Variants in KHDRBS2 observed in about 807,000 individuals in gnomAD.
KHDRBS2 encodes KH RNA binding domain containing, signal transduction associated 2, also known as KH domain-containing, RNA-binding, signal transduction-associated protein 2.
In KHDRBS2, 26 loss-of-function variants were observed where a neutral mutation model predicts 44.3. That is an observed-to-expected ratio of 0.59 (90% CI 0.43 to 0.81). The LOEUF is 0.81. Among genes scored for constraint, KHDRBS2 ranks in the 40% least tolerant of loss-of-function variants. The pLI, the probability that KHDRBS2 is intolerant of heterozygous loss-of-function variation, is 0.00. For synonymous variants in KHDRBS2, 194 were observed against 151.1 expected (o/e 1.28, Z -2.08); for missense variants, 476 against 433.1 (o/e 1.10, Z -0.88).
intron 6 of KHDRBS2, among the ~76,000 whole-genome samples, chr6:61,845,008 A>C (rs1404793292): frequency 4.6e-5 from 7 of 152,190 alleles, no homozygotes; most frequent in African/African-American, 1.7e-4. Context: ...CATAAATATT[A>C]CATGCTTAGA....
intron 2 of KHDRBS2, among the ~76,000 whole-genome samples, chr6:62,093,487 G>A (rs1799876859): frequency 6.6e-6 from 1 of 151,792 alleles, no homozygotes; most frequent in African/African-American, 2.4e-5. Flanking sequence ...TCTTTGTAAT[G>A]AGAACATTAA....
At chr6:61,690,594 CA>C (rs1241933226) in intron 8 of KHDRBS2, among the ~76,000 whole-genome samples, 1 of 151,988 alleles carries the variant, frequency 6.6e-6, no homozygotes, top group Non-Finnish European at 1.5e-5. Context: ...GTTCAACACA[CA>C]ATTGTTCAAA....
chr6:61,744,686 T>C (rs1274149415), intron 6 of KHDRBS2, among the ~76,000 whole-genome samples: 1 of 152,152 alleles, frequency 6.6e-6, no homozygotes, highest in African/African-American at 2.4e-5. Context: ...TGCCTTTACT[T>C]TTGTCTCTTC....
intron 2 of KHDRBS2, 35 bp downstream of exon 2, chr6:62,177,150 T>G: frequency 8.1e-7 from 1 of 1,227,014 alleles, no homozygotes; most frequent in Non-Finnish European, 1.1e-6. Flanking sequence ...CATTTCTAAA[T>G]CAATTATATG....
chr6:62,256,141 A>G (rs1166494716), intron 1 of KHDRBS2, among the ~76,000 whole-genome samples: 1 of 77,966 alleles, frequency 1.3e-5, no homozygotes, highest in Admixed American at 1.4e-4. Flanking sequence ...ACTCCGAAAG[A>G]AAAAAAAACC....
At chr6:62,045,294 G>C (rs1787434603) in intron 3 of KHDRBS2, among the ~76,000 whole-genome samples, 1 of 151,958 alleles carries the variant, frequency 6.6e-6, no homozygotes, top group African/African-American at 2.4e-5. Context: ...TGTCATAATA[G>C]TTTTAGATAT....
At chr6:61,561,186 ACTCT>A in the KHDRBS2 span, among the ~76,000 whole-genome samples, 8 of 148,452 alleles carry the variant, frequency 5.4e-5, no homozygotes, top group Admixed American at 2.7e-4. Context: ...ATAAATGGAG[ACTCT>A]CTCTCTCTCT....
intron 2 of KHDRBS2, among the ~76,000 whole-genome samples, chr6:62,114,814 A>G (rs1584789620): frequency 6.8e-6 from 1 of 146,368 alleles, no homozygotes; most frequent in East Asian, 1.9e-4. Flanking sequence ...TCCTAATTTA[A>G]TAAACAAACA....
chr6:62,017,416 T>C (rs1332559950), intron 3 of KHDRBS2, among the ~76,000 whole-genome samples: 1 of 152,160 alleles, frequency 6.6e-6, no homozygotes, highest in Non-Finnish European at 1.5e-5. Context: ...GAAATAATTA[T>C]CTTTTTAAAA....
At chr6:62,272,289 A>G (rs1270377135) in intron 1 of KHDRBS2, among the ~76,000 whole-genome samples, 1 of 152,176 alleles carries the variant, frequency 6.6e-6, no homozygotes, top group Non-Finnish European at 1.5e-5. Context: ...AAATCGCCTA[A>G]TGACACATTT....
intron 6 of KHDRBS2, among the ~76,000 whole-genome samples, chr6:61,853,342 C>T (rs1795721524): frequency 6.6e-6 from 1 of 152,012 alleles, no homozygotes; most frequent in Non-Finnish European, 1.5e-5. Context: ...CATAATTTAA[C>T]AATTTATAGC....
intron 2 of KHDRBS2, among the ~76,000 whole-genome samples, chr6:62,057,139 ACTTTT>A (rs142306214): frequency 0.081 from 12,305 of 151,908 alleles, 528 homozygotes; most frequent in African/African-American, 0.1. Flanking sequence ...TAAGTAAGCA[ACTTTT>A]CTTTTAATGT....
chr6:61,782,039 G>A (rs978158495), intron 6 of KHDRBS2, among the ~76,000 whole-genome samples: 2 of 152,118 alleles, frequency 1.3e-5, no homozygotes, highest in African/African-American at 2.4e-5. Context: ...CTTGGCTTTT[G>A]GGGGGTGGGT....
At chr6:62,024,686 T>C (rs961349484) in intron 3 of KHDRBS2, among the ~76,000 whole-genome samples, 2 of 151,628 alleles carry the variant, frequency 1.3e-5, no homozygotes, top group African/African-American at 4.8e-5. Flanking sequence ...CTCTTTATCA[T>C]TGTCTTGAAT....
At chr6:62,056,541 T>A (rs1790327579) in intron 2 of KHDRBS2, among the ~76,000 whole-genome samples, 1 of 151,884 alleles carries the variant, frequency 6.6e-6, no homozygotes, top group Admixed American at 6.6e-5. Context: ...AACTTATGGG[T>A]TCAAGAGTGT....
At chr6:62,199,697 C>T (rs1190244246) in intron 1 of KHDRBS2, among the ~76,000 whole-genome samples, 1 of 152,178 alleles carries the variant, frequency 6.6e-6, no homozygotes, top group African/African-American at 2.4e-5. Context: ...CCCCATCAAG[C>T]TACCAATGAC....
intron 4 of KHDRBS2, among the ~76,000 whole-genome samples, chr6:61,975,591 A>G (rs1451933173): frequency 2.0e-5 from 3 of 151,946 alleles, no homozygotes; most frequent in African/African-American, 7.3e-5. Context: ...ACATTGAGAG[A>G]CATATCAGAA....
the KHDRBS2 span, among the ~76,000 whole-genome samples, chr6:61,567,822 A>G: frequency 1.9e-3 from 293 of 151,956 alleles, 3 homozygotes; most frequent in African/African-American, 6.7e-3. Context: ...CTATGAAACC[A>G]AGCCTTAGTA....
intron 2 of KHDRBS2, among the ~76,000 whole-genome samples, chr6:62,109,117 C>A (rs1412854340): frequency 6.9e-6 from 1 of 145,826 alleles, no homozygotes; most frequent in African/African-American, 2.5e-5. Context: ...AAAAAAGAAG[C>A]CAACAGTTGT....
Sources: gnomAD v4.1 joint callset for allele counts (sites outside exome capture counted in the v4.1 genomes callset) on GRCh38, gnomAD v4.1.1 for gene constraint, MANE v1.5 for transcripts, NCBI Gene and HGNC (gene_info 2026-07-23, HGNC 2026-07-21) for gene names.